Variants in PDE4B observed in about 807,000 individuals in gnomAD.
The protein encoded by PDE4B is 3',5'-cyclic-AMP phosphodiesterase 4B.
PDE4B carries 20 observed loss-of-function variants against 82.2 expected under a neutral mutation model. The observed-to-expected ratio is 0.24, with a 90% CI of 0.17 to 0.35. PDE4B has a LOEUF of 0.35. PDE4B is among the 10% of genes least tolerant of loss of function. The pLI is 1.00. For synonymous variants in PDE4B, 320 were observed against 318.9 expected, an observed-to-expected ratio of 1.00 and a Z score of -0.04; for missense variants, 655 against 907.2, an observed-to-expected ratio of 0.72 and a Z score of 3.57.
At chr1:66,080,786 G>A (rs1213112587) in intron 3 of PDE4B, among the ~76,000 whole-genome samples, 1 of 152,134 alleles carries the variant, frequency 6.6e-6, no homozygotes, top group African/African-American at 2.4e-5. Context: ...GTGGGTCCAT[G>A]TGCAGGATTG....
intron 3 of PDE4B, among the ~76,000 whole-genome samples, chr1:65,969,680 T>C (rs911578471): frequency 2.0e-5 from 3 of 152,214 alleles, no homozygotes; most frequent in Non-Finnish European, 4.4e-5. Context: ...TGTAATGATA[T>C]GTATTTTATA....
At chr1:65,881,160 G>C (rs532818134) in intron 1 of PDE4B, among the ~76,000 whole-genome samples, 43 of 152,246 alleles carry the variant, frequency 2.8e-4, no homozygotes, top group African/African-American at 1.0e-3. Context: ...TAAATCCTTT[G>C]AGTGCATTCT....
At chr1:65,861,233 A>G (rs960560577) in intron 1 of PDE4B, among the ~76,000 whole-genome samples, 10 of 152,162 alleles carry the variant, frequency 6.6e-5, no homozygotes, top group Admixed American at 2.0e-4. Flanking sequence ...TATGAGGTAT[A>G]AGGAAGGAGT....
intron 3 of PDE4B, among the ~76,000 whole-genome samples, chr1:66,198,028 C>G (rs1392360713): frequency 2.0e-5 from 3 of 152,070 alleles, no homozygotes; most frequent in Admixed American, 2.0e-4. Context: ...TGGACCAAGT[C>G]CATGACTGCT....
intron 3 of PDE4B, among the ~76,000 whole-genome samples, chr1:66,176,096 A>G (rs1371489459): frequency 6.6e-6 from 1 of 152,222 alleles, no homozygotes; most frequent in Non-Finnish European, 1.5e-5. Context: ...AGCTGATTTC[A>G]GGAAGGGATG....
At chr1:66,316,603 CT>C (rs1243857007) in intron 7 of PDE4B, among the ~76,000 whole-genome samples, 3 of 152,206 alleles carry the variant, frequency 2.0e-5, no homozygotes, top group Admixed American at 1.3e-4. Flanking sequence ...TATTTTCTAC[CT>C]AGCCTGCACA....
rs57819584 is a variant in PDE4B, at chr1:66,159,244, ACTT to A, written c.282-88215_282-88213del. On this transcript the variant is annotated intron_variant, in intron 3 of 16. Coordinates refer to ENST00000341517, the MANE Select transcript of PDE4B (RefSeq NM_002600.4). Reference sequence around the variant, plus strand: ...AGAGGTCATTTATAAATAAAATAAAACTTTTTTTTTTTTTTTGAGAAAGAGCCT... The same window carrying A: ...AGAGGTCATTTATAAATAAAATAAAATTTTTTTTTTTTTGAGAAAGAGCCT... Among the ~76,000 whole-genome samples the A allele has an allele frequency of 9.7e-3, 1,460 of 150,706 alleles. 28 individuals carry two copies. The highest frequency in any genetic ancestry group is 0.034 in the African/African-American group (1,403 of 40,980).
At chr1:65,899,486 A>G in intron 1 of PDE4B, among the ~76,000 whole-genome samples, 1 of 151,980 alleles carries the variant, frequency 6.6e-6, no homozygotes, top group East Asian at 1.9e-4. Flanking sequence ...TATCCAGAGG[A>G]AAATAAGTCA....
intron 1 of PDE4B, among the ~76,000 whole-genome samples, chr1:65,796,331 T>C (rs1422028328): frequency 6.6e-6 from 1 of 152,190 alleles, no homozygotes; most frequent in Non-Finnish European, 1.5e-5. Context: ...CTCTTTCTTA[T>C]CTGCTTCTGT....
intron 1 of PDE4B, among the ~76,000 whole-genome samples, chr1:65,796,708 G>A (rs1420017839): frequency 6.9e-6 from 1 of 145,336 alleles, no homozygotes; most frequent in African/African-American, 2.5e-5. Flanking sequence ...GGAGTGCAGT[G>A]GCATGATCTT....
At chr1:66,099,752 A>T (rs1038197497) in intron 3 of PDE4B, among the ~76,000 whole-genome samples, 5 of 152,094 alleles carry the variant, frequency 3.3e-5, no homozygotes, top group African/African-American at 1.2e-4. Flanking sequence ...CAATATATAA[A>T]ATGTTGAGGT....
chr1:65,872,775 C>A (rs909173548), intron 1 of PDE4B, among the ~76,000 whole-genome samples: 3 of 152,108 alleles, frequency 2.0e-5, no homozygotes, highest in Non-Finnish European at 2.9e-5. Context: ...ATAATAAAGG[C>A]ATTTGTGTAG....
rs1205925808 is a variant in PDE4B, at chr1:65,793,220, G to A, written c.-99G>A. The A allele has an allele frequency of 6.6e-6, 1 of 152,440 alleles. No individual in the cohort carries two copies. Among genetic ancestry groups the A allele is most frequent in the Non-Finnish European group, 1.5e-5 (1 of 68,270 alleles). The allele number at this position is 152,440 out of a possible 1,614,324, so 9.4% of individuals were successfully genotyped here. A position where few individuals can be genotyped will look rare whatever the true frequency, so the allele number is the denominator to read the frequency against. On this transcript the variant is annotated 5_prime_UTR_variant, in exon 1 of 17. Transcript: ENST00000341517. ...GCAGCAGAGGCGCCTCGGGCAGGAG[G>A]AGGGCGGCTTCTGCGAGGGCAGCCT...
intron 1 of PDE4B, among the ~76,000 whole-genome samples, chr1:65,858,121 T>C (rs1646413681): frequency 1.3e-5 from 2 of 152,372 alleles, no homozygotes; most frequent in Admixed American, 1.3e-4. Context: ...TTTTGTCATT[T>C]GTGGTTTATT....
chr1:65,878,734 A>G (rs541100021), intron 1 of PDE4B, among the ~76,000 whole-genome samples: 1 of 152,038 alleles, frequency 6.6e-6, no homozygotes, highest in African/African-American at 2.4e-5. Flanking sequence ...CCTGTTGGGG[A>G]GTCGGGGGAA....
At chr1:65,986,700 G>A (rs1305605597) in intron 3 of PDE4B, among the ~76,000 whole-genome samples, 2 of 152,106 alleles carry the variant, frequency 1.3e-5, no homozygotes, top group African/African-American at 2.4e-5. Context: ...TTACAGGATC[G>A]AACAAACAAA....
At chr1:65,924,092 T>TTTTTTTTTTTTTTTTTTTTTTA in intron 3 of PDE4B, among the ~76,000 whole-genome samples, 1 of 93,510 alleles carries the variant, frequency 1.1e-5, no homozygotes, top group East Asian at 2.5e-4. Context: ...TTTTTTTTTT[T>TTTTTTTTTTTTTTTTTTTTTTA]GAGACGGAGT....
At chr1:65,930,531 G>C (rs1171479656) in intron 3 of PDE4B, among the ~76,000 whole-genome samples, 1 of 152,232 alleles carries the variant, frequency 6.6e-6, no homozygotes, top group Non-Finnish European at 1.5e-5. Context: ...CCAAGGCCTT[G>C]GGAGCCCAGC....
At chr1:65,985,782 C>T (rs890547008) in intron 3 of PDE4B, among the ~76,000 whole-genome samples, 1 of 152,096 alleles carries the variant, frequency 6.6e-6, no homozygotes, top group Non-Finnish European at 1.5e-5. Context: ...TCTGCCTTCT[C>T]AGAATGTGCC....
Sources: allele counts gnomAD v4.1 joint callset (sites outside exome capture counted in the v4.1 genomes callset), GRCh38; gene constraint gnomAD v4.1.1; transcripts MANE v1.5; gene names NCBI Gene and HGNC (gene_info 2026-07-23, HGNC 2026-07-21).